The following PRR16 variants were observed in gnomAD, a reference collection of about 807,000 sequenced individuals.
PRR16 encodes the protein protein Largen.
A neutral mutation model predicts 18.2 loss-of-function variants in PRR16; 6 were observed. That is an observed-to-expected ratio of 0.33 (90% CI 0.18 to 0.65). The LOEUF (loss-of-function observed/expected upper bound fraction) is 0.65. Ranked by LOEUF, PRR16 falls within the 30% of genes least tolerant of loss-of-function variation. The pLI is 0.74. For synonymous variants in PRR16, 151 were observed against 147.8 expected (o/e 1.02, Z -0.16); for missense variants, 412 against 376.6 (o/e 1.09, Z -0.78).
chr5:120,547,971 A>G (rs998247005), intron 1 of PRR16, among the ~76,000 whole-genome samples: 5 of 152,074 alleles, frequency 3.3e-5, no homozygotes, highest in Non-Finnish European at 5.9e-5. Context: ...TAAAAATACC[A>G]AACTTTATGA....
At chr5:120,789,757 T>C in the PRR16 span, among the ~76,000 whole-genome samples, 2 of 152,084 alleles carry the variant, frequency 1.3e-5, no homozygotes, top group Non-Finnish European at 2.9e-5. Context: ...AGTTATAAAA[T>C]AATATATACA....
At chr5:120,732,229 T>A in the PRR16 span, among the ~76,000 whole-genome samples, 2 of 152,170 alleles carry the variant, frequency 1.3e-5, no homozygotes, top group Non-Finnish European at 2.9e-5. Flanking sequence ...ATCAGTTGTC[T>A]GAAAGAGGAG....
chr5:120,560,208 T>C (rs994212684), intron 1 of PRR16, among the ~76,000 whole-genome samples: 2 of 152,038 alleles, frequency 1.3e-5, no homozygotes, highest in African/African-American at 4.8e-5. Context: ...ATCTTTGTCA[T>C]GCTCCAGATC....
intron 1 of PRR16, among the ~76,000 whole-genome samples, chr5:120,551,021 T>A (rs1252413022): frequency 6.6e-6 from 1 of 151,814 alleles, no homozygotes; most frequent in Non-Finnish European, 1.5e-5. Flanking sequence ...ATGTATAACT[T>A]CACATAGTTA....
intron 1 of PRR16, among the ~76,000 whole-genome samples, chr5:120,516,484 G>GACACAC (rs149936115): frequency 0.019 from 2,545 of 136,420 alleles, 70 homozygotes; most frequent in African/African-American, 0.057. Context: ...AGGAGGGAAG[G>GACACAC]ACACACACAC....
In PRR16 at chr5:120,464,370, A is replaced by G; in HGVS notation, c.-117A>G. 1 of 1,176,156 alleles carries G rather than the reference A, an allele frequency of 8.5e-7. No homozygotes were observed. The highest frequency in any genetic ancestry group is 1.1e-6 in the Non-Finnish European group (1 of 885,362). 72.9% of individuals were successfully genotyped at this position (1,176,156 alleles called of 1,614,324 possible). ...CGCAGCCACTCGCCGCTGCCCAGGG[A>G]GCGCCCAAGATGTGGGGGGACCGGG... On this transcript the variant is annotated 5_prime_UTR_variant, in exon 1 of 2. Transcript: ENST00000407149.
At chr5:120,735,663 T>TTTG in the PRR16 span, among the ~76,000 whole-genome samples, 130 of 151,622 alleles carry the variant, frequency 8.6e-4, 1 homozygote, top group East Asian at 0.02. Flanking sequence ...TACTCATATT[T>TTTG]TTGTTGTTGT....
At chr5:120,742,811 G>A in the PRR16 span, among the ~76,000 whole-genome samples, 1,009 of 152,212 alleles carry the variant, frequency 6.6e-3, 10 homozygotes, top group African/African-American at 0.021. Flanking sequence ...GTGTCAGCAG[G>A]GCTGGCTCCC....
chr5:120,530,254 A>AATAT lies in PRR16; in HGVS notation c.159+65636_159+65639dup, dbSNP rs3047950. 5.3e-3 allele frequency among the ~76,000 whole-genome samples: 566 copies of AATAT among 106,694 alleles called. 6 individuals carry two copies. Among genetic ancestry groups the AATAT allele is most frequent in the East Asian group, 0.02 (87 of 4,306 alleles). 70.0% of individuals were successfully genotyped at this position (106,694 alleles called of 152,430 possible). A position where few individuals can be genotyped will look rare whatever the true frequency, so the allele number is the denominator to read the frequency against. Reference sequence around the variant, plus strand: ...TGCTGTTTTACCTGAAGTGTGTGTAAATATATATATATATATATATATATA... The same window carrying AATAT: ...TGCTGTTTTACCTGAAGTGTGTGTAAATATATATATATATATATATATATATATA... On this transcript the variant is annotated intron_variant, in intron 1 of 1. Transcript: ENST00000407149.
chr5:120,734,184 G>C, the PRR16 span, among the ~76,000 whole-genome samples: 1 of 152,156 alleles, frequency 6.6e-6, no homozygotes, highest in Non-Finnish European at 1.5e-5. Flanking sequence ...TCCTGGCATG[G>C]GCCTGCCTGG....
the PRR16 span, among the ~76,000 whole-genome samples, chr5:120,737,630 T>TAACACTAATCC: frequency 2.0e-5 from 3 of 151,850 alleles, no homozygotes; most frequent in East Asian, 5.8e-4. Flanking sequence ...CTCTCTTAGT[T>TAACACTAATCC]TTTTCTTTCT....
rs1580738128 is a variant in PRR16, at chr5:120,572,115, GTCTCGTACTGTATTGGTCAAAGGAGTC to G, written c.159+107475_159+107501del. Among the ~76,000 whole-genome samples, 6 of 152,230 alleles carry G rather than the reference GTCTCGTACTGTATTGGTCAAAGGAGTC, an allele frequency of 3.9e-5. No individual in the cohort carries two copies. In the East Asian group the frequency reaches 9.7e-4, roughly 24 times the overall value. On this transcript the variant is annotated intron_variant, in intron 1 of 1. Coordinates refer to ENST00000407149, the MANE Select transcript of PRR16 (RefSeq NM_001300783.2). Reference sequence around the variant, plus strand: ...AGATCTAGAAACTGGCATATTCTTTGTCTCGTACTGTATTGGTCAAAGGAGTCTCTCATATTGTATTGGTCAAAGGAG... The same window carrying G: ...AGATCTAGAAACTGGCATATTCTTTGTCTCATATTGTATTGGTCAAAGGAG...
the PRR16 span, among the ~76,000 whole-genome samples, chr5:120,745,935 C>G: frequency 6.8e-6 from 1 of 147,916 alleles, no homozygotes; most frequent in African/African-American, 2.5e-5. Flanking sequence ...CTGTCTTGAT[C>G]TCCTGACCTC....
intron 1 of PRR16, among the ~76,000 whole-genome samples, chr5:120,473,074 G>A (rs1749323025): frequency 6.6e-6 from 1 of 152,086 alleles, no homozygotes; most frequent in African/African-American, 2.4e-5. Context: ...GCTGAAGAAA[G>A]TAAAAGATGC....
intron 1 of PRR16, among the ~76,000 whole-genome samples, chr5:120,497,460 G>T (rs1158854387): frequency 2.2e-5 from 3 of 133,448 alleles, no homozygotes; most frequent in African/African-American, 5.9e-5. Context: ...GCGTGATCTT[G>T]GTTCACTGCA....
At chr5:120,599,821 C>T (rs1319619427) in intron 1 of PRR16, among the ~76,000 whole-genome samples, 1 of 151,796 alleles carries the variant, frequency 6.6e-6, no homozygotes, top group Admixed American at 6.6e-5. Context: ...CATAGTCCAA[C>T]CAGTGACTCA....
chr5:120,622,418 A>G (rs958509013), intron 1 of PRR16, among the ~76,000 whole-genome samples: 3 of 152,056 alleles, frequency 2.0e-5, no homozygotes, highest in African/African-American at 7.2e-5. Context: ...AGAGCAAAGC[A>G]TGACAAGTGT....
intron 1 of PRR16, among the ~76,000 whole-genome samples, chr5:120,490,191 G>A (rs543080208): frequency 1.3e-5 from 2 of 152,090 alleles, no homozygotes; most frequent in African/African-American, 4.8e-5. Flanking sequence ...GAATCTGAAC[G>A]TTGGCCTGCC....
intron 1 of PRR16, among the ~76,000 whole-genome samples, chr5:120,530,706 TATTGGGGAG>T (rs1385496326): frequency 1.3e-5 from 2 of 151,988 alleles, no homozygotes; most frequent in Admixed American, 6.6e-5. Context: ...GTATAGGAGA[TATTGGGGAG>T]ATGGGTAAGA....
Sources: gnomAD v4.1 joint callset for allele counts (sites outside exome capture counted in the v4.1 genomes callset) on GRCh38, gnomAD v4.1.1 for gene constraint, MANE v1.5 for transcripts, NCBI Gene and HGNC (gene_info 2026-07-23, HGNC 2026-07-21) for gene names.